Variants in PRORP observed in about 807,000 individuals in gnomAD.
The protein encoded by PRORP is protein only RNase P catalytic subunit, also known as mitochondrial ribonuclease P catalytic subunit.
In PRORP, 51 loss-of-function variants were observed where a neutral mutation model predicts 59.4. The ratio of observed to expected loss-of-function variants is 0.86; its 90% CI spans 0.69 to 1.08. PRORP has a LOEUF of 1.08. Among genes scored for constraint, PRORP ranks in the 50% least tolerant of loss-of-function variants. The pLI is 0.00. For synonymous variants in PRORP, 231 were observed against 245.6 expected, an observed-to-expected ratio of 0.94 and a Z score of 0.55; for missense variants, 646 against 690.3, an observed-to-expected ratio of 0.94 and a Z score of 0.72.
chr14:35,123,777 C>T lies in PRORP; in HGVS notation c.532C>T (p.Leu178=). 4 of 1,614,186 alleles carry T rather than the reference C, an allele frequency of 2.5e-6. No individual in the cohort carries two copies. The highest frequency in any genetic ancestry group is 3.4e-6 in the Non-Finnish European group (4 of 1,180,040). Residue 178 remains leucine, a synonymous_variant, in exon 2 of 8, where the codon CTG becomes TTG. Transcript: ENST00000534898. ...TAATGGTATTGTAAGTTACGATTTACTGGTCAAGTATTTGTATCTCTGTGT... is the reference window on the plus strand; with the variant it reads ...TAATGGTATTGTAAGTTACGATTTATTGGTCAAGTATTTGTATCTCTGTGT... ...KNNGIVSYDL[L]VKYLYLCVFH...
rs148836500 is a variant in PRORP, at chr14:35,149,195, A to G, written c.1167+21584A>G. Among the ~76,000 whole-genome samples, 1,337 of 151,364 alleles carry G rather than the reference A, an allele frequency of 8.8e-3. 19 individuals carry two copies. Among genetic ancestry groups the G allele is most frequent in the African/African-American group, 0.028 (1,173 of 41,258 alleles). On this transcript the variant is annotated intron_variant, in intron 4 of 7. Coordinates refer to ENST00000534898, the MANE Select transcript of PRORP (RefSeq NM_014672.4). ...CGGCCTCCCAAAGTGCTGGGATTAC[A>G]AGCGTGAGCCACCGCGCCCGGCCTA...
rs61988270 is a variant in PRORP at position 35,274,208 on chromosome 14, C to T, written c.*642C>T. On this transcript the variant is annotated 3_prime_UTR_variant, in exon 8 of 8. Coordinates refer to ENST00000534898, the MANE Select transcript of PRORP (RefSeq NM_014672.4). ...TGTCGCCAGGGCTGGAGTGCAGTGA[C>T]GTGATCACAGTTCACTGCAGCCTCA... 0.13 allele frequency: 19,122 copies of T among 152,076 alleles called. 1,407 individuals are homozygous for T. The highest frequency in any genetic ancestry group is 0.23 in the Middle Eastern group (67 of 296). The allele number at this position is 152,076 out of a possible 1,614,324, so 9.4% of individuals were successfully genotyped here.
chr14:35,246,516 T>A (rs1397634760), intron 5 of PRORP, among the ~76,000 whole-genome samples: 1 of 152,212 alleles, frequency 6.6e-6, no homozygotes, highest in Non-Finnish European at 1.5e-5. Flanking sequence ...ATTGGGTTGG[T>A]TCTTAGCTTA....
intron 4 of PRORP, among the ~76,000 whole-genome samples, chr14:35,172,453 C>CTTCCTTCCTTCCTTCCTTCT: frequency 1.7e-4 from 8 of 46,760 alleles, no homozygotes; most frequent in Non-Finnish European, 2.6e-4. Flanking sequence ...TCCTTCCTTC[C>CTTCCTTCCTTCCTTCCTTCT]TTCTTTCTTT....
intron 4 of PRORP, among the ~76,000 whole-genome samples, chr14:35,166,624 G>C (rs2048192019): frequency 1.3e-5 from 2 of 151,524 alleles, no homozygotes; most frequent in South Asian, 4.2e-4. Context: ...TAATTTTTTT[G>C]GTATTTTTAG....
intron 4 of PRORP, among the ~76,000 whole-genome samples, chr14:35,167,997 C>T (rs1009598703): frequency 1.3e-5 from 2 of 152,122 alleles, no homozygotes; most frequent in Non-Finnish European, 2.9e-5. Flanking sequence ...ACACATTTTT[C>T]CCCCATTCAT....
intron 5 of PRORP, among the ~76,000 whole-genome samples, chr14:35,258,713 G>A: frequency 6.6e-6 from 1 of 152,256 alleles, no homozygotes; most frequent in Middle Eastern, 3.4e-3. Context: ...TGGGTACTCA[G>A]GAGGTATTAG....
chr14:35,249,851 A>C (rs751945140), intron 5 of PRORP, among the ~76,000 whole-genome samples: 1 of 152,194 alleles, frequency 6.6e-6, no homozygotes, highest in Non-Finnish European at 1.5e-5. Flanking sequence ...CTTCTTTCAA[A>C]GTTCAGGCTT....
At chr14:35,136,530 A>AATG (rs2047379012) in intron 4 of PRORP, among the ~76,000 whole-genome samples, 1 of 144,776 alleles carries the variant, frequency 6.9e-6, no homozygotes, top group Non-Finnish European at 1.5e-5. Flanking sequence ...ATGCACCACC[A>AATG]CACCCGGCTA....
chr14:35,211,306 T>C (rs767455323), intron 5 of PRORP, among the ~76,000 whole-genome samples: 1 of 152,232 alleles, frequency 6.6e-6, no homozygotes, highest in Non-Finnish European at 1.5e-5. Flanking sequence ...TTTTGTTTAC[T>C]GACAGCTTCC....
chr14:35,215,767 C>CT (rs1391509772), intron 5 of PRORP, among the ~76,000 whole-genome samples: 28 of 146,018 alleles, frequency 1.9e-4, no homozygotes, highest in Middle Eastern at 3.5e-3. Flanking sequence ...CTCTATCTCT[C>CT]TTTTTTTTTT....
At chr14:35,182,640 T>A (rs1211240747) in intron 5 of PRORP, among the ~76,000 whole-genome samples, 1 of 152,118 alleles carries the variant, frequency 6.6e-6, no homozygotes, top group East Asian at 1.9e-4. Context: ...GTGAGACTCC[T>A]CGAAAACAAA....
chr14:35,179,688 C>G (rs1427525292), intron 4 of PRORP, among the ~76,000 whole-genome samples: 1 of 152,178 alleles, frequency 6.6e-6, no homozygotes, highest in African/African-American at 2.4e-5. Context: ...TTCGAACTTC[C>G]TTCTTCAGCT....
At chr14:35,273,239 A>T (rs2051239882) in intron 7 of PRORP, among the ~76,000 whole-genome samples, 196 bp from the exon 8 acceptor site, 1 of 152,064 alleles carries the variant, frequency 6.6e-6, no homozygotes. Context: ...TAAAAATGAG[A>T]CCCCTCAAAA....
intron 5 of PRORP, among the ~76,000 whole-genome samples, chr14:35,253,341 AAAAGAG>A (rs781760167): frequency 6.7e-6 from 1 of 148,712 alleles, no homozygotes. Context: ...CAAAAAAAAA[AAAAGAG>A]AGAGAGAGAG....
chr14:35,124,847 A>G (rs1025233663), intron 2 of PRORP, among the ~76,000 whole-genome samples: 4 of 149,312 alleles, frequency 2.7e-5, no homozygotes, highest in African/African-American at 7.4e-5. Flanking sequence ...TAATATGCTT[A>G]TATTTATTCT....
chr14:35,203,413 G>C (rs2049206693), intron 5 of PRORP, among the ~76,000 whole-genome samples: 1 of 152,146 alleles, frequency 6.6e-6, no homozygotes, highest in Admixed American at 6.5e-5. Flanking sequence ...TGTATTCCCA[G>C]CTACTTGGGA....
chr14:35,204,502 T>C (rs2049240731), intron 5 of PRORP, among the ~76,000 whole-genome samples: 1 of 152,236 alleles, frequency 6.6e-6, no homozygotes, highest in African/African-American at 2.4e-5. Context: ...TACATTGATC[T>C]GAACATCCTA....
At chr14:35,174,423 G>A (rs1188855132) in intron 4 of PRORP, among the ~76,000 whole-genome samples, 23 of 151,740 alleles carry the variant, frequency 1.5e-4, no homozygotes. Flanking sequence ...TATTGACTTC[G>A]TTTATTTTCT....
Sources: gnomAD v4.1 joint callset for allele counts (sites outside exome capture counted in the v4.1 genomes callset) on GRCh38, gnomAD v4.1.1 for gene constraint, MANE v1.5 for transcripts, NCBI Gene and HGNC (gene_info 2026-07-23, HGNC 2026-07-21) for gene names.